EIF4G3: variants seen among roughly 807,000 people sequenced by gnomAD.
The protein encoded by EIF4G3 is eukaryotic translation initiation factor 4 gamma 3.
EIF4G3 carries 34 observed loss-of-function variants against 186.4 expected under a neutral mutation model. That is an observed-to-expected ratio of 0.18 (90% CI 0.14 to 0.24). The LOEUF is 0.24. Among genes scored for constraint, EIF4G3 ranks in the 10% least tolerant of loss-of-function variants. EIF4G3 has a pLI of 1.00. For missense variants in EIF4G3, 1,536 were observed against 1,948.5 expected, an observed-to-expected ratio of 0.79 and a Z score of 3.99; for synonymous variants, 673 against 679.5, an observed-to-expected ratio of 0.99 and a Z score of 0.15.
rs535426813 is a variant in EIF4G3, at chr1:21,042,043, G to C, written c.-67+8823C>G. On this transcript the variant is annotated intron_variant, in intron 4 of 36. Transcript: ENST00000602326. ...ACTCTGCCGCCAAAGCTGGAGTGCA[G>C]TGGCACAAGCATGGCTCACTGCAGC... Among the ~76,000 whole-genome samples, 7 of 151,332 alleles carry C rather than the reference G, an allele frequency of 4.6e-5. No homozygotes were observed. The East Asian group carries it at 1.4e-3, about 29-fold the overall frequency.
chr1:20,942,166 CAGA>C lies in EIF4G3; in HGVS notation c.985_987del (p.Ser329del), dbSNP rs1297257052. The C allele has an allele frequency of 6.2e-7, 1 of 1,613,980 alleles. No homozygotes were observed. Among genetic ancestry groups the C allele is most frequent in the Non-Finnish European group, 8.5e-7 (1 of 1,180,006 alleles). ...GGGGCTGCAATTGTACTTCGAGCAA[CAGA>C]AGAAACAGTGGTAGGTGATGGAGGC... On this transcript the variant is annotated inframe_deletion, in exon 14 of 37. Transcript: ENST00000602326.
chr1:21,155,262 C>CAAAAAAAAAAAAAAAAAAAA (rs34182850), intron 2 of EIF4G3, among the ~76,000 whole-genome samples: 1 of 43,326 alleles, frequency 2.3e-5, no homozygotes, highest in Non-Finnish European at 3.9e-5. Flanking sequence ...GACTCTGTCT[C>CAAAAAAAAAAAAAAAAAAAA]AAAAAAAAAA....
At chr1:20,882,211 ACAC>A (rs1558059418) in intron 19 of EIF4G3, among the ~76,000 whole-genome samples, 121 of 58,798 alleles carry the variant, frequency 2.1e-3, no homozygotes, top group East Asian at 0.017. Context: ...ACACACACAC[ACAC>A]AAAATCATTT....
chr1:20,980,521 G>C (rs2077723173), intron 9 of EIF4G3, 73 bp from the exon 10 acceptor site: 5 of 1,029,962 alleles, frequency 4.9e-6, no homozygotes, highest in Non-Finnish European at 6.8e-6. Context: ...AAAATAATAA[G>C]AAAGTAGCTT....
intron 2 of EIF4G3, among the ~76,000 whole-genome samples, chr1:21,154,642 T>C (rs1205510579): frequency 6.6e-6 from 1 of 152,190 alleles, no homozygotes; most frequent in Admixed American, 6.6e-5. Context: ...CATCTGAGCA[T>C]TATACCCTGA....
chr1:21,010,951 C>G (rs916881792), intron 4 of EIF4G3, among the ~76,000 whole-genome samples: 6 of 152,118 alleles, frequency 3.9e-5, no homozygotes, highest in South Asian at 2.1e-4. Context: ...TCCTGGGCAT[C>G]TCTGTAATGC....
At chr1:20,934,390 GAC>G (rs2095444796) in intron 14 of EIF4G3, among the ~76,000 whole-genome samples, 1 of 152,122 alleles carries the variant, frequency 6.6e-6, no homozygotes, top group South Asian at 2.1e-4. Context: ...TCTGGCATGA[GAC>G]AGACAATAAG....
At chr1:21,002,646 A>T (rs989920713) in intron 5 of EIF4G3, 67 bp downstream of exon 5, 1 of 1,492,558 alleles carries the variant, frequency 6.7e-7, no homozygotes, top group African/African-American at 1.4e-5. Flanking sequence ...TGCCAAAGAA[A>T]CCCAAGCCAC....
chr1:21,094,930 C>T (rs1018759747), intron 2 of EIF4G3, among the ~76,000 whole-genome samples: 1 of 151,976 alleles, frequency 6.6e-6, no homozygotes, highest in African/African-American at 2.4e-5. Context: ...TGACAGGATC[C>T]CTCGAGCCCA....
intron 18 of EIF4G3, among the ~76,000 whole-genome samples, chr1:20,888,855 C>T (rs964301088): frequency 2.6e-5 from 4 of 152,048 alleles, no homozygotes; most frequent in Admixed American, 1.3e-4. Flanking sequence ...TTTATGGTAT[C>T]CTTCAGAAGT....
chr1:20,818,112 C>G (rs1007432744), intron 33 of EIF4G3, among the ~76,000 whole-genome samples: 1 of 152,154 alleles, frequency 6.6e-6, no homozygotes, highest in Non-Finnish European at 1.5e-5. Flanking sequence ...CGCAAATAAT[C>G]TTGAGCTTCA....
Position 20,941,524 on chromosome 1 carries a change from G to T in EIF4G3, c.1630C>A (p.Gln544Lys). 1 of 1,611,012 alleles carries T rather than the reference G, an allele frequency of 6.2e-7. No homozygotes were observed. The highest frequency in any genetic ancestry group is 1.1e-5 in the South Asian group (1 of 90,488). Residue 544 changes from glutamine (Q) to lysine (K), a missense_variant, in exon 14 of 37, where the codon CAA (glutamine) becomes AAA (lysine). Around this residue, in one of 11 missense-constraint regions of EIF4G3, gnomAD observed 560 missense variants for 547.8 expected, o/e 1.02. Transcript: ENST00000602326. ...DGQTEEILDSQNLNSRRSPVP... is the reference protein window; with the variant it reads ...DGQTEEILDSKNLNSRRSPVP... ...GGGCTCCTTCTTGAATTTAAGTTTT[G>T]AGAATCCAAAATCTCTTCTGTTTGC...
At chr1:21,080,928 AT>A (rs374956735) in intron 3 of EIF4G3, among the ~76,000 whole-genome samples, 162 of 152,368 alleles carry the variant, frequency 1.1e-3, no homozygotes, top group African/African-American at 3.8e-3. Flanking sequence ...TATATTAAAA[AT>A]ACTAGCCTGA....
intron 2 of EIF4G3, among the ~76,000 whole-genome samples, chr1:21,102,403 A>T (rs2096544585): frequency 6.6e-6 from 1 of 152,258 alleles, no homozygotes; most frequent in Admixed American, 6.5e-5. Context: ...CCAGACTGCC[A>T]ACTTCAAATT....
chr1:20,955,513 G>A (rs1467862049), intron 12 of EIF4G3, among the ~76,000 whole-genome samples: 1 of 152,150 alleles, frequency 6.6e-6, no homozygotes, highest in Non-Finnish European at 1.5e-5. Flanking sequence ...GAGATTACAG[G>A]CATGAGCCAT....
intron 14 of EIF4G3, among the ~76,000 whole-genome samples, chr1:20,911,560 C>CAAAAAAAA (rs60071144): frequency 4.9e-5 from 2 of 40,698 alleles, no homozygotes; most frequent in African/African-American, 1.1e-4. Flanking sequence ...GACCCTGCCT[C>CAAAAAAAA]AAAAAAAAAA....
intron 32 of EIF4G3, among the ~76,000 whole-genome samples, chr1:20,825,891 G>A (rs4654873): frequency 0.29 from 43,394 of 152,038 alleles, 6,760 homozygotes; most frequent in Non-Finnish European, 0.34. Flanking sequence ...CTGTTGTCAG[G>A]TAGAAAAAAG....
intron 13 of EIF4G3, among the ~76,000 whole-genome samples, chr1:20,943,877 T>C (rs2095812912): frequency 6.6e-6 from 1 of 152,024 alleles, no homozygotes; most frequent in Admixed American, 6.6e-5. Flanking sequence ...ACTGCAGTGA[T>C]GAAATAGAAT....
intron 3 of EIF4G3, among the ~76,000 whole-genome samples, chr1:21,066,052 A>G (rs1330038362): frequency 6.6e-6 from 1 of 152,086 alleles, no homozygotes; most frequent in Non-Finnish European, 1.5e-5. Flanking sequence ...TGGCTACTCA[A>G]GAGGCTGAAG....
Sources: allele counts gnomAD v4.1 joint callset (sites outside exome capture counted in the v4.1 genomes callset), GRCh38; gene constraint gnomAD v4.1.1; regional missense constraint gnomAD v4.1.1; transcripts MANE v1.5; gene names NCBI Gene and HGNC (gene_info 2026-07-23, HGNC 2026-07-21).